Variants in TENM4 observed in about 807,000 individuals in gnomAD.
The protein encoded by TENM4 is teneurin-4.
TENM4 carries 82 observed loss-of-function variants against 243.3 expected under a neutral mutation model. That is an observed-to-expected ratio of 0.34 (90% CI 0.28 to 0.40). The LOEUF is 0.40. TENM4 is among the 10% of genes least tolerant of loss of function. The pLI is 1.00. For synonymous variants in TENM4, 1,412 were observed against 1,456.3 expected (o/e 0.97, Z 0.69); for missense variants, 3,138 against 3,673.3 (o/e 0.85, Z 3.77).
intron 2 of TENM4, among the ~76,000 whole-genome samples, chr11:79,289,501 A>G (rs1163042845): frequency 6.6e-6 from 1 of 152,236 alleles, no homozygotes; most frequent in East Asian, 1.9e-4. Context: ...CAACAAGGCC[A>G]ACTCCCTTTG....
At chr11:78,992,004 C>A (rs1233640413) in intron 6 of TENM4, among the ~76,000 whole-genome samples, 2 of 152,238 alleles carry the variant, frequency 1.3e-5, no homozygotes, top group African/African-American at 4.8e-5. Context: ...ATGGATTTTC[C>A]CTAAATTTGA....
At chr11:78,738,394 T>A in intron 20 of TENM4, 57 bp downstream of exon 20, 1 of 1,571,080 alleles carries the variant, frequency 6.4e-7, no homozygotes, top group Non-Finnish European at 8.6e-7. Flanking sequence ...AGCAGCTATA[T>A]GGCAAGACCA....
chr11:79,344,599 C>G (rs901340207), intron 1 of TENM4, among the ~76,000 whole-genome samples: 3 of 152,178 alleles, frequency 2.0e-5, no homozygotes, highest in Non-Finnish European at 2.9e-5. Context: ...TCTCTTTGAC[C>G]AACATGCAAG....
intron 6 of TENM4, among the ~76,000 whole-genome samples, chr11:78,979,157 G>A (rs1489800945): frequency 1.3e-5 from 2 of 152,162 alleles, no homozygotes; most frequent in African/African-American, 4.8e-5. Flanking sequence ...CTAGTTGGAG[G>A]AGGGCAGTGC....
intron 2 of TENM4, among the ~76,000 whole-genome samples, chr11:79,248,019 T>G (rs1023407058): frequency 5.3e-5 from 8 of 152,158 alleles, no homozygotes; most frequent in African/African-American, 1.9e-4. Flanking sequence ...TGGTCCCTTA[T>G]AAACACGCAG....
At chr11:79,032,338 G>C (rs987788279) in intron 6 of TENM4, among the ~76,000 whole-genome samples, 3 of 152,082 alleles carry the variant, frequency 2.0e-5, no homozygotes, top group African/African-American at 7.2e-5. Flanking sequence ...GACCTCGAAG[G>C]GTCCATAGGA....
At chr11:78,671,127 G>A (rs1478623673) in intron 31 of TENM4, among the ~76,000 whole-genome samples, 1 of 152,184 alleles carries the variant, frequency 6.6e-6, no homozygotes, top group African/African-American at 2.4e-5. Flanking sequence ...GGCATTTAAG[G>A]CTTTGCACAA....
At chr11:79,266,084 A>ACTTCT (rs1483304575) in intron 2 of TENM4, among the ~76,000 whole-genome samples, 1 of 152,106 alleles carries the variant, frequency 6.6e-6, no homozygotes, top group Admixed American at 6.6e-5. Context: ...CTGTTGTAAC[A>ACTTCT]CTTCTCCCAG....
intron 2 of TENM4, among the ~76,000 whole-genome samples, chr11:79,282,813 T>C (rs151195653): frequency 4.9e-4 from 58 of 119,216 alleles, no homozygotes; most frequent in Non-Finnish European, 8.4e-4. Flanking sequence ...ATATTTAAAA[T>C]TGGAAAAAAA....
intron 6 of TENM4, among the ~76,000 whole-genome samples, chr11:79,063,591 T>C (rs1860156754): frequency 6.6e-6 from 1 of 152,182 alleles, no homozygotes; most frequent in Non-Finnish European, 1.5e-5. Flanking sequence ...GGTGCTGACC[T>C]GGCTCAGCAA....
chr11:79,183,455 T>C (rs1863322481), intron 3 of TENM4, among the ~76,000 whole-genome samples: 2 of 152,208 alleles, frequency 1.3e-5, no homozygotes, highest in African/African-American at 4.8e-5. Flanking sequence ...AACTATTCTG[T>C]ACTACAATGG....
intron 6 of TENM4, among the ~76,000 whole-genome samples, chr11:79,052,844 G>A (rs189757301): frequency 1.3e-5 from 2 of 152,314 alleles, no homozygotes; most frequent in African/African-American, 4.8e-5. Context: ...CTGGAGAGTA[G>A]ACTGCTATGT....
rs376243690 is a variant in TENM4 at position 79,050,514 on chromosome 11, T to C, written c.493+14224A>G. Among the ~76,000 whole-genome samples the C allele has an allele frequency of 2.6e-5, 4 of 152,328 alleles. No individual in the cohort carries two copies. The East Asian group carries it at 7.7e-4, about 29-fold the overall frequency. ...ATTTGAAGCACCTTCTTTTGCACTT[T>C]CATAGCCCACTTCACACCCATGAGG... On this transcript the variant is annotated intron_variant, in intron 6 of 33. Coordinates refer to ENST00000278550, the MANE Select transcript of TENM4 (RefSeq NM_001098816.3).
At chr11:79,353,977 T>C (rs1212241646) in intron 1 of TENM4, among the ~76,000 whole-genome samples, 1 of 152,146 alleles carries the variant, frequency 6.6e-6, no homozygotes, top group Non-Finnish European at 1.5e-5. Context: ...ACTTTGTGAG[T>C]CTTACAGAAG....
chr11:79,336,930 C>T (rs1434196739), intron 1 of TENM4, among the ~76,000 whole-genome samples: 1 of 152,128 alleles, frequency 6.6e-6, no homozygotes, highest in Non-Finnish European at 1.5e-5. Context: ...AGGCTGAGAC[C>T]CAGCCCCACT....
Position 79,216,399 on chromosome 11 carries a change from C to T in TENM4, c.-264-490G>A, listed in dbSNP as rs117345377. Among the ~76,000 whole-genome samples, 718 of 152,280 alleles carry T rather than the reference C, an allele frequency of 4.7e-3. 12 individuals are homozygous for T. The highest frequency in any genetic ancestry group is 0.037 in the East Asian group (193 of 5,174). On this transcript the variant is annotated intron_variant, in intron 2 of 33. Coordinates refer to ENST00000278550, the MANE Select transcript of TENM4 (RefSeq NM_001098816.3). The stretch of plus-strand genomic sequence containing the variant: ...AAGGTCTAGGGTTAGTGGCCAGTGG[C>T]CCCCGTTAACAGTTCTGTCACAGAT...
intron 6 of TENM4, among the ~76,000 whole-genome samples, chr11:79,052,322 G>C (rs946137564): frequency 1.3e-5 from 2 of 152,210 alleles, no homozygotes; most frequent in African/African-American, 4.8e-5. Flanking sequence ...ATTCTGACTG[G>C]TGAGAGATGA....
intron 1 of TENM4, among the ~76,000 whole-genome samples, chr11:79,370,981 G>T (rs1021988084): frequency 2.6e-5 from 4 of 152,072 alleles, no homozygotes; most frequent in Non-Finnish European, 2.9e-5. Context: ...TTGATAAATG[G>T]ACAAAGGATG....
chr11:79,115,903 T>C (rs1565209969), intron 4 of TENM4, among the ~76,000 whole-genome samples: 3 of 152,200 alleles, frequency 2.0e-5, no homozygotes, highest in Admixed American at 6.5e-5. Flanking sequence ...TCGAAGAGTC[T>C]AGGTTTCTCT....
Sources: gnomAD v4.1 joint callset for allele counts (sites outside exome capture counted in the v4.1 genomes callset) on GRCh38, gnomAD v4.1.1 for gene constraint, MANE v1.5 for transcripts, NCBI Gene and HGNC (gene_info 2026-07-23, HGNC 2026-07-21) for gene names.